The following SEC23B variants were observed in gnomAD, a reference collection of about 807,000 sequenced individuals.
The protein encoded by SEC23B is SEC23 homolog B, COPII component.
In SEC23B, 77 loss-of-function variants were observed where a neutral mutation model predicts 104.3. The observed-to-expected ratio is 0.74, with a 90% CI of 0.61 to 0.89. SEC23B has a LOEUF of 0.89. Among genes scored for constraint, SEC23B ranks in the 40% least tolerant of loss-of-function variants. SEC23B has a pLI of 0.00. For synonymous variants in SEC23B, 338 were observed against 332.5 expected (o/e 1.02, Z -0.18); for missense variants, 885 against 949.4 (o/e 0.93, Z 0.89).
intron 15 of SEC23B, among the ~76,000 whole-genome samples, chr20:18,548,353 G>A (rs780853103): frequency 1.3e-5 from 2 of 152,194 alleles, no homozygotes; most frequent in Admixed American, 6.5e-5. Flanking sequence ...GTAGTGTTAC[G>A]TGTATTCCCA....
At chr20:18,510,387 C>T (rs993826453) in intron 1 of SEC23B, among the ~76,000 whole-genome samples, 2 of 152,248 alleles carry the variant, frequency 1.3e-5, no homozygotes, top group African/African-American at 2.4e-5. Context: ...GATAACTGTG[C>T]GGTTAACTGA....
At chr20:18,557,449 G>A (rs2060449924) in intron 19 of SEC23B, among the ~76,000 whole-genome samples, 1 of 151,746 alleles carries the variant, frequency 6.6e-6, no homozygotes, top group Admixed American at 6.6e-5. Flanking sequence ...CAGGCCCTAG[G>A]TATTACATCA....
At chr20:18,540,241 A>C (rs897803278) in intron 12 of SEC23B, among the ~76,000 whole-genome samples, 4 of 152,234 alleles carry the variant, frequency 2.6e-5, no homozygotes, top group Admixed American at 2.6e-4. Context: ...TTGAAAGTCA[A>C]AATTTCTCCT....
At chr20:18,522,828 C>T (rs1331912678) in intron 4 of SEC23B, among the ~76,000 whole-genome samples, 1 of 152,040 alleles carries the variant, frequency 6.6e-6, no homozygotes, top group African/African-American at 2.4e-5. Context: ...GGGGCTGAGG[C>T]GGGGGGATCA....
At chr20:18,522,557 C>T (rs570359128) in intron 4 of SEC23B, among the ~76,000 whole-genome samples, 1 of 152,280 alleles carries the variant, frequency 6.6e-6, no homozygotes, top group South Asian at 2.1e-4. Context: ...GACCTGAGGT[C>T]GTAGGCGGAT....
At chr20:18,519,648 T>G (rs1863548371) in intron 4 of SEC23B, among the ~76,000 whole-genome samples, 2 of 152,130 alleles carry the variant, frequency 1.3e-5, no homozygotes, top group African/African-American at 4.8e-5. Flanking sequence ...GGGGGCAGTC[T>G]CTAAAGCTGA....
chr20:18,526,418 GGTCC>G lies in SEC23B; in HGVS notation c.881_884del (p.Gly294AlafsTer14). The G allele has an allele frequency of 6.2e-7, 1 of 1,614,188 alleles. No individual in the cohort carries two copies. The highest frequency in any genetic ancestry group is 8.5e-7 in the Non-Finnish European group (1 of 1,180,032). On this transcript the variant is annotated frameshift_variant, in exon 8 of 20. Transcript: ENST00000650089. LOFTEE classifies it high-confidence loss of function. ...AGCCAGGATCATGCTGTTTACTGGA[GGTCC>G]CCCTACCCAAGGGCCTGGCATGGTG...
In SEC23B at chr20:18,537,900, A is replaced by AG. The variant is rs1339204775; in HGVS notation, c.1404+2159dup. 2.0e-5 allele frequency among the ~76,000 whole-genome samples: 3 copies of AG among 151,730 alleles called. No homozygotes were observed. The East Asian group carries it at 5.8e-4, about 29-fold the overall frequency. On this transcript the variant is annotated intron_variant, in intron 12 of 19. Transcript: ENST00000650089. ...TTGGCTGCTGACTGATCAGGTTAGT[A>AG]GTTGCTGAAGGCTGAGTGGCTGTGG... is the stretch of plus-strand genomic sequence containing the variant.
chr20:18,555,225 A>G, intron 19 of SEC23B, 52 bp downstream of exon 19: 1 of 1,444,518 alleles, frequency 6.9e-7, no homozygotes, highest in Non-Finnish European at 9.7e-7. Context: ...TTTTTTTTAA[A>G]CTTGTTTTAA....
At chr20:18,521,172 A>C (rs2060080557) in intron 4 of SEC23B, among the ~76,000 whole-genome samples, 1 of 152,138 alleles carries the variant, frequency 6.6e-6, no homozygotes, top group Non-Finnish European at 1.5e-5. Context: ...GAGGCAATGA[A>C]TTGCAACTCA....
chr20:18,541,473 T>A (rs2060287409), intron 12 of SEC23B, among the ~76,000 whole-genome samples: 2 of 152,238 alleles, frequency 1.3e-5, no homozygotes. Context: ...AGCTTTTGAT[T>A]TAAAATGAGA....
chr20:18,559,077 T>G (rs1343584083), intron 19 of SEC23B, among the ~76,000 whole-genome samples: 24 of 91,122 alleles, frequency 2.6e-4, no homozygotes, highest in East Asian at 3.4e-4. Context: ...GGAAGGTGGT[T>G]GGTGGGGGGG....
chr20:18,559,081 G>T (rs913848977), intron 19 of SEC23B, among the ~76,000 whole-genome samples: 2 of 81,644 alleles, frequency 2.4e-5, no homozygotes, highest in Non-Finnish European at 4.7e-5. Context: ...GGTGGTTGGT[G>T]GGGGGGGTGT....
intron 4 of SEC23B, among the ~76,000 whole-genome samples, chr20:18,521,390 G>A (rs557199375): frequency 2.2e-4 from 34 of 152,248 alleles, no homozygotes; most frequent in African/African-American, 7.0e-4. Flanking sequence ...ACAGTAAAGC[G>A]TCTAAGGGTT....
At chr20:18,524,764 C>A in intron 5 of SEC23B, 95 bp downstream of exon 5, 1 of 1,225,744 alleles carries the variant, frequency 8.2e-7, no homozygotes, top group Non-Finnish European at 1.2e-6. Context: ...GGCTGGAGTT[C>A]AGTGGTGTGA....
intron 17 of SEC23B, among the ~76,000 whole-genome samples, chr20:18,552,851 A>G (rs949284359): frequency 3.3e-5 from 5 of 152,180 alleles, no homozygotes; most frequent in Non-Finnish European, 7.4e-5. Flanking sequence ...AGAACGATTT[A>G]TATAGTTTCT....
At chr20:18,508,621 AC>A (rs1258842740) in intron 1 of SEC23B, among the ~76,000 whole-genome samples, 3 of 151,566 alleles carry the variant, frequency 2.0e-5, no homozygotes, top group Non-Finnish European at 4.4e-5. Flanking sequence ...AAGAATCCAG[AC>A]CCTAGAAGGG....
At chr20:18,543,314 G>A (rs2295558) in intron 14 of SEC23B, 142 bp downstream of exon 14, 1 of 1,034,706 alleles carries the variant, frequency 9.7e-7, no homozygotes, top group Non-Finnish European at 1.5e-6. Flanking sequence ...TGGACATTCT[G>A]TTAAAGACGT....
chr20:18,534,323 TC>T (rs1420546121), intron 11 of SEC23B, among the ~76,000 whole-genome samples: 1 of 152,158 alleles, frequency 6.6e-6, no homozygotes, highest in African/African-American at 2.4e-5. Flanking sequence ...TTTCCTAATT[TC>T]CCCCCAAATG....
Sources: allele counts gnomAD v4.1 joint callset (sites outside exome capture counted in the v4.1 genomes callset), GRCh38; gene constraint gnomAD v4.1.1; transcripts MANE v1.5; gene names NCBI Gene and HGNC (gene_info 2026-07-23, HGNC 2026-07-21).